NLRC3: variants seen among roughly 807,000 people sequenced by gnomAD.
NLRC3 encodes the protein NLR family CARD domain-containing protein 3.
In NLRC3, 87 loss-of-function variants were observed where a neutral mutation model predicts 91.6. The ratio of observed to expected loss-of-function variants is 0.95; its 90% CI spans 0.80 to 1.14. The LOEUF is 1.14. NLRC3 is among the 50% of genes most tolerant of loss of function. NLRC3 has a pLI of 0.00. For synonymous variants in NLRC3, 694 were observed against 625.3 expected, an observed-to-expected ratio of 1.11 and a Z score of -1.64; for missense variants, 1,577 against 1,418.6, an observed-to-expected ratio of 1.11 and a Z score of -1.79.
At position 3,563,063 on chromosome 16, in the gene NLRC3, C is replaced by G; in HGVS notation, c.1874G>C (p.Ser625Thr). ...CAGCAGGCTCTGAAGGACGCCCTGG[C>G]TGAGGCTCAGGGACAGGTTGGCCTC... ...AQEANLSLSL[S>T]QGVLQSLLPQ... Residue 625 changes from serine to threonine, a missense_variant, in exon 5 of 20, where the codon AGC (serine) becomes ACC (threonine). Physicochemically the swap from Ser to Thr is moderately conservative, Grantham distance 58 (BLOSUM62 1). Coordinates refer to ENST00000359128, the MANE Select transcript of NLRC3 (RefSeq NM_178844.4). The G allele has an allele frequency of 4.5e-6, 7 of 1,563,704 alleles. No homozygotes were observed. Among genetic ancestry groups the G allele is most frequent in the Non-Finnish European group, 6.1e-6 (7 of 1,154,570 alleles).
rs772786389 is a variant in NLRC3, at chr16:3,543,406, T to C, written c.2939+19A>G. The C allele has an allele frequency of 1.2e-5, 19 of 1,562,898 alleles. No individual in the cohort carries two copies. The highest frequency in any genetic ancestry group is 1.7e-5 in the Non-Finnish European group (19 of 1,136,148). ...ATTTCTTTGGGCTAAAGACCATAGA[T>C]GGAGACTGGAATACTTACTCGAGAA... On this transcript the variant is annotated intron_variant, in intron 17 of 19. Coordinates refer to ENST00000359128, the MANE Select transcript of NLRC3 (RefSeq NM_178844.4).
chr16:3,554,659 C>T (rs892684946), intron 8 of NLRC3, among the ~76,000 whole-genome samples: 2 of 152,184 alleles, frequency 1.3e-5, no homozygotes, highest in African/African-American at 4.8e-5. Context: ...AACCCTCACG[C>T]TGCTGGTGGG....
At chr16:3,544,618 TTCA>T (rs1349051543) in intron 15 of NLRC3, 23 of 386,134 alleles carry the variant, frequency 6.0e-5, no homozygotes, top group Admixed American at 2.0e-4. Flanking sequence ...GGGGATGCTT[TTCA>T]CAGCCAACCA....
chr16:3,547,259 G>A (rs1370487737), intron 15 of NLRC3, among the ~76,000 whole-genome samples: 1 of 152,170 alleles, frequency 6.6e-6, no homozygotes, highest in Non-Finnish European at 1.5e-5. Context: ...GATGAACCTT[G>A]AAAATCTGAC....
chr16:3,567,958 C>T (rs964302714), intron 1 of NLRC3, among the ~76,000 whole-genome samples: 3 of 151,136 alleles, frequency 2.0e-5, no homozygotes, highest in African/African-American at 7.3e-5. Flanking sequence ...TTCTGCCTCC[C>T]AGGTTCAAGC....
intron 1 of NLRC3, among the ~76,000 whole-genome samples, chr16:3,571,287 T>C (rs2040087213): frequency 6.6e-6 from 1 of 151,666 alleles, no homozygotes; most frequent in South Asian, 2.1e-4. Context: ...AAATATGAGA[T>C]AATATTTTAA....
At position 3,563,100 on chromosome 16, in the gene NLRC3, C is replaced by A. The variant is rs376725513; in HGVS notation, c.1837G>T (p.Ala613Ser). ...GACAGGTTGGCCTCCTGGGCACAGG[C>A]GTCGGACACCTGCAGGAGGTAGGCC... ...ALAYLLQVSD[A>S]CAQEANLSLS... is the part of the protein sequence containing the mutation. Residue 613 changes from alanine to serine, a missense_variant, in exon 5 of 20, where the codon GCC (alanine) becomes TCC (serine). Physicochemically the swap from Ala to Ser is moderately conservative, Grantham distance 99. Transcript: ENST00000359128. The A allele has an allele frequency of 1.7e-4, 274 of 1,575,430 alleles. No individual in the cohort carries two copies. Among genetic ancestry groups the A allele is most frequent in the Non-Finnish European group, 2.3e-4 (262 of 1,161,498 alleles).
At position 3,559,261 on chromosome 16, in the gene NLRC3, A is replaced by G. The variant is rs114598838; in HGVS notation, c.2016-1585T>C. ...ATTTTATAAGTTGTATTTAACTTCT[A>G]GGTGAAATAGGGATGTGGCACTGAG... On this transcript the variant is annotated intron_variant, in intron 6 of 19. Transcript: ENST00000359128. Among the ~76,000 whole-genome samples the G allele has an allele frequency of 7.2e-3, 1,091 of 152,326 alleles. 17 individuals are homozygous for G. The highest frequency in any genetic ancestry group is 0.025 in the African/African-American group (1,030 of 41,560).
intron 5 of NLRC3, 118 bp downstream of exon 5, chr16:3,562,891 G>A (rs1486953665): frequency 2.1e-6 from 2 of 932,054 alleles, no homozygotes; most frequent in Non-Finnish European, 3.4e-6. Context: ...CCAAGTTCAT[G>A]GTCCTCTGTT....
Position 3,564,390 on chromosome 16 carries a change from T to C in NLRC3, c.547A>G (p.Asn183Asp), listed in dbSNP as rs2039774179. ...LVLPLTFRDL[N>D]THEKLCADRL... ...TCGGCACACAGCTTCTCGTGGGTGT[T>C]GAGATCCCGGAAGGTCAGAGGCAGC... The change falls in exon 5 of 20, where the codon AAC becomes GAC. Residue 183 changes from asparagine (N) to aspartate (D), a missense_variant. Physicochemically the swap from Asn to Asp is conservative, Grantham distance 23. Coordinates refer to ENST00000359128, the MANE Select transcript of NLRC3 (RefSeq NM_178844.4). This position sits in a 1 kb window ranked among gnomAD's most constrained non-coding sequence, Gnocchi z 5.9. The C allele has an allele frequency of 2.5e-6, 4 of 1,612,198 alleles. No individual in the cohort carries two copies. The Admixed American group carries it at 5.0e-5, about 20-fold the overall frequency.
At chr16:3,569,203 A>G (rs755905801) in intron 1 of NLRC3, among the ~76,000 whole-genome samples, 2 of 151,114 alleles carry the variant, frequency 1.3e-5, no homozygotes, top group African/African-American at 2.4e-5. Flanking sequence ...AATCCCAGCT[A>G]TTGGGGACAC....
At chr16:3,558,306 G>T (rs2151095514) in intron 6 of NLRC3, among the ~76,000 whole-genome samples, 1 of 152,292 alleles carries the variant, frequency 6.6e-6, no homozygotes, top group African/African-American at 2.4e-5. Context: ...GCTCCAGCCT[G>T]AGCGACAGAG....
chr16:3,561,793 C>G lies in NLRC3; in HGVS notation c.1929-5G>C, dbSNP rs762523858. ...TGGAACTGGTTGGTGTCCAGCCTGGCCAAGGGGAGCAGTGACAGTGAGTGT... is the reference window on the plus strand; with the variant it reads ...TGGAACTGGTTGGTGTCCAGCCTGGGCAAGGGGAGCAGTGACAGTGAGTGT... On this transcript the variant is annotated splice_polypyrimidine_tract_variant and splice_region_variant and intron_variant, in intron 5 of 19. Transcript: ENST00000359128. 1 of 1,611,632 alleles carries G rather than the reference C, an allele frequency of 6.2e-7. No homozygotes were observed. Among genetic ancestry groups the G allele is most frequent in the South Asian group, 1.1e-5 (1 of 91,040 alleles).
In NLRC3 at chr16:3,568,459, C is replaced by G. The variant is rs141032739; in HGVS notation, c.-168-1135G>C. 7.2e-3 allele frequency among the ~76,000 whole-genome samples: 1,097 copies of G among 152,296 alleles called. 6 individuals are homozygous for G. The highest frequency in any genetic ancestry group is 0.024 in the Middle Eastern group (7 of 294). ...GGATTTTGGGCTAGGCACAGTGGCT[C>G]ATGCTTGTCATTCCAGCACTTTGGG... On this transcript the variant is annotated intron_variant, in intron 1 of 19. Transcript: ENST00000359128.
Position 3,577,200 on chromosome 16 carries a change from G to A in NLRC3, c.-220C>T, listed in dbSNP as rs1462210515. The A allele has an allele frequency of 4.3e-6, 3 of 702,894 alleles. No individual in the cohort carries two copies. Among genetic ancestry groups the A allele is most frequent in the Non-Finnish European group, 7.8e-6 (3 of 385,014 alleles). 43.5% of individuals were successfully genotyped at this position (702,894 alleles called of 1,614,324 possible). ...GACAGCAAGACTGGGGGGCCTGGGG[G>A]CGTCCATCTCCATGCTCCTGGGCTC... On this transcript the variant is annotated 5_prime_UTR_variant, in exon 1 of 20. Transcript: ENST00000359128.
At chr16:3,543,020 A>G in intron 17 of NLRC3, 1 of 539,736 alleles carries the variant, frequency 1.9e-6, no homozygotes, top group Non-Finnish European at 3.3e-6. Flanking sequence ...TTCCATTTCA[A>G]ACAGAAAAGC....
Position 3,560,278 on chromosome 16 carries a change from C to T in NLRC3, c.2015+1424G>A, listed in dbSNP as rs1228932766. 3.9e-5 allele frequency among the ~76,000 whole-genome samples: 6 copies of T among 152,060 alleles called. No individual in the cohort carries two copies. In the East Asian group the frequency reaches 1.2e-3, roughly 30 times the overall value. On this transcript the variant is annotated intron_variant, in intron 6 of 19. Transcript: ENST00000359128. ...TATCGACTAAAAATACAAAAATTAGCTGGGTGTGGTGGCATGCGCCTGTAG... is the reference window on the plus strand; with the variant it reads ...TATCGACTAAAAATACAAAAATTAGTTGGGTGTGGTGGCATGCGCCTGTAG...
intron 13 of NLRC3, 113 bp from the exon 14 acceptor site, chr16:3,548,866 G>A (rs1000855976): frequency 1.3e-6 from 1 of 743,692 alleles, no homozygotes; most frequent in Non-Finnish European, 2.2e-6. Flanking sequence ...AGCACGAGGG[G>A]GTGCTTCCTG....
intron 16 of NLRC3, 84 bp downstream of exon 16, chr16:3,544,162 G>GAAAA: frequency 9.0e-6 from 6 of 670,058 alleles, no homozygotes; most frequent in Non-Finnish European, 1.3e-5. Context: ...TTGTCTCGAG[G>GAAAA]AAAAAAAAAA....
Sources: gnomAD v4.1 joint callset for allele counts (sites outside exome capture counted in the v4.1 genomes callset) on GRCh38, gnomAD v4.1.1 for gene constraint, Gnocchi (gnomAD v3.1) non-coding constraint, MANE v1.5 for transcripts, NCBI Gene and HGNC (gene_info 2026-07-23, HGNC 2026-07-21) for gene names.